Variants in BRIP1 observed in about 807,000 individuals in gnomAD.
BRIP1 encodes Fanconi anemia group J protein.
In BRIP1, 88 loss-of-function variants were observed where a neutral mutation model predicts 119.7. The ratio of observed to expected loss-of-function variants is 0.74; its 90% CI spans 0.62 to 0.88. The LOEUF (loss-of-function observed/expected upper bound fraction) is 0.88. Among genes scored for constraint, BRIP1 ranks in the 40% least tolerant of loss-of-function variants. The probability of loss-of-function intolerance (pLI) is 0.00; values close to 1 mark genes in which losing one functional copy is unlikely to be tolerated. For missense variants in BRIP1, 1,259 were observed against 1,455.4 expected, an observed-to-expected ratio of 0.87 and a Z score of 2.20; for synonymous variants, 443 against 496.5, an observed-to-expected ratio of 0.89 and a Z score of 1.43.
At chr17:61,777,077 C>A (rs1289941589) in intron 13 of BRIP1, among the ~76,000 whole-genome samples, 5 of 151,986 alleles carry the variant, frequency 3.3e-5, no homozygotes, top group African/African-American at 1.2e-4. Flanking sequence ...ATTCTATCTC[C>A]CTTATATGTA....
rs1416084860 is a variant in BRIP1 at position 61,748,989 on chromosome 17, T to C, written c.2098-4398A>G. Among the ~76,000 whole-genome samples the C allele has an allele frequency of 1.3e-5, 2 of 151,900 alleles. No individual in the cohort carries two copies. Among genetic ancestry groups the C allele is most frequent in the Non-Finnish European group, 2.9e-5 (2 of 67,986 alleles). ...CATCTCTACTAAAAATACAAAAAAT[T>C]AGCCGGGCATGGTGGCGCACGCCTG... On this transcript the variant is annotated intron_variant, in intron 14 of 19. Coordinates refer to ENST00000259008, the MANE Select transcript of BRIP1 (RefSeq NM_032043.3). The surrounding 1 kb of genome is among the most constrained non-coding windows in gnomAD (Gnocchi z 4.7).
intron 17 of BRIP1, among the ~76,000 whole-genome samples, chr17:61,711,390 A>G (rs948510405): frequency 5.3e-5 from 8 of 152,232 alleles, no homozygotes; most frequent in Non-Finnish European, 2.9e-5. Flanking sequence ...AAATTCAAAA[A>G]AAAAATGTCA....
At position 61,683,644 on chromosome 17, in the gene BRIP1, AG is replaced by A. The variant is rs756853672; in HGVS notation, c.3401del (p.Pro1134LeufsTer16). 31 of 1,612,802 alleles carry A rather than the reference AG, an allele frequency of 1.9e-5. No homozygotes were observed. The highest frequency in any genetic ancestry group is 2.6e-5 in the Non-Finnish European group (31 of 1,179,978). On this transcript the variant is annotated frameshift_variant, in exon 20 of 20. Transcript: ENST00000259008. LOFTEE classifies it low-confidence loss of function (END_TRUNC). This position sits in a 1 kb window ranked among gnomAD's most constrained non-coding sequence, Gnocchi z 4.7. Reference protein sequence around the residue: ...EAEDESIYFTPELYDPEDTDE... With the variant: ...EAEDESIYFTXELYDPEDTDE... ...CTGTATCTTCAGGATCATAAAGTTC[AG>A]GTGTAAAATAGATAGATTCATCTTC...
rs1009437926 is a variant in BRIP1 at position 61,774,239 on chromosome 17, A to G, written c.2097+2162T>C. Among the ~76,000 whole-genome samples, 1 of 152,132 alleles carries G rather than the reference A, an allele frequency of 6.6e-6. No homozygotes were observed. Among genetic ancestry groups the G allele is most frequent in the African/African-American group, 2.4e-5 (1 of 41,406 alleles). ...AGAAAATGTGGCACATATACACCAT[A>G]GAATACTATGCAGCCATAAAAAAGG... On this transcript the variant is annotated intron_variant, in intron 14 of 19. Transcript: ENST00000259008. The surrounding 1 kb of genome is among the most constrained non-coding windows in gnomAD (Gnocchi z 5.8).
At position 61,776,606 on chromosome 17, in the gene BRIP1, G is replaced by A. The variant is rs139659736; in HGVS notation, c.1936-44C>T. On this transcript the variant is annotated intron_variant, in intron 13 of 19. Coordinates refer to ENST00000259008, the MANE Select transcript of BRIP1 (RefSeq NM_032043.3). The surrounding 1 kb of genome is among the most constrained non-coding windows in gnomAD (Gnocchi z 5.0). Reference sequence around the variant, plus strand: ...ATTATTAGAGTTATGCCTGAAAAAGGCATGGAAATTAGTATTTATTTGGAA... The same window carrying A: ...ATTATTAGAGTTATGCCTGAAAAAGACATGGAAATTAGTATTTATTTGGAA... The A allele has an allele frequency of 3.2e-6, 5 of 1,578,674 alleles. No individual in the cohort carries two copies. In the Admixed American group the frequency reaches 8.3e-5, roughly 26 times the overall value.
Position 61,686,094 on chromosome 17 carries a change from C to T in BRIP1, c.2647G>A (p.Glu883Lys), listed in dbSNP as rs2061359691. 6.2e-7 allele frequency: 1 copy of T among 1,614,012 alleles called. No individual in the cohort carries two copies. Among genetic ancestry groups the T allele is most frequent in the African/African-American group, 1.3e-5 (1 of 75,032 alleles). Reference sequence around the variant, plus strand: ...ACTTTTTGATGCTTTTTGGAAAATTCAGCCAAGGATTCCAGTGCACTTTCA... The same window carrying T: ...ACTTTTTGATGCTTTTTGGAAAATTTAGCCAAGGATTCCAGTGCACTTTCA... The part of the protein sequence containing the change: ...TFESALESLA[E>K]FSKKHQKVLN... The change falls in exon 19 of 20, where the codon GAA (glutamate) becomes AAA (lysine). Residue 883 changes from glutamate (E) to lysine (K), a missense_variant. Glu to Lys is a moderately conservative substitution (Grantham distance 56). Coordinates refer to ENST00000259008, the MANE Select transcript of BRIP1 (RefSeq NM_032043.3). This position sits in a 1 kb window ranked among gnomAD's most constrained non-coding sequence, Gnocchi z 5.4.
At position 61,795,783 on chromosome 17, in the gene BRIP1, G is replaced by A. The variant is rs1459297792; in HGVS notation, c.1341-2054C>T. On this transcript the variant is annotated intron_variant, in intron 9 of 19. Transcript: ENST00000259008. The surrounding 1 kb of genome is among the most constrained non-coding windows in gnomAD (Gnocchi z 5.6). ...TGGGTATATATCTAGCAGTGGGATT[G>A]CTGGATCGTTTGGTAGCTCTATTTT... Among the ~76,000 whole-genome samples the A allele has an allele frequency of 6.6e-6, 1 of 152,052 alleles. No individual in the cohort carries two copies. The highest frequency in any genetic ancestry group is 1.5e-5 in the Non-Finnish European group (1 of 67,984).
At position 61,732,465 on chromosome 17, in the gene BRIP1, C is replaced by T. The variant is rs140300765; in HGVS notation, c.2379+10548G>A. Among the ~76,000 whole-genome samples, 557 of 152,160 alleles carry T rather than the reference C, an allele frequency of 3.7e-3. 5 individuals carry two copies. The highest frequency in any genetic ancestry group is 0.013 in the African/African-American group (520 of 41,504). On this transcript the variant is annotated intron_variant, in intron 16 of 19. Transcript: ENST00000259008. ...AGTAAATTGGTATCTGCAAGGGAGG[C>T]GAAAGGTGTTGGTCAACTTCAGCTT...
In BRIP1 at chr17:61,834,306, A is replaced by G. The variant is rs900117617; in HGVS notation, c.627+12795T>C. On this transcript the variant is annotated intron_variant, in intron 6 of 19. Coordinates refer to ENST00000259008, the MANE Select transcript of BRIP1 (RefSeq NM_032043.3). This position sits in a 1 kb window ranked among gnomAD's most constrained non-coding sequence, Gnocchi z 4.4. ...ACTACATAACAAATATATGTAATAT[A>G]TACTACAGTATCAACCCCTTTACAG... Among the ~76,000 whole-genome samples the G allele has an allele frequency of 6.6e-6, 1 of 152,148 alleles. No individual in the cohort carries two copies. Among genetic ancestry groups the G allele is most frequent in the African/African-American group, 2.4e-5 (1 of 41,426 alleles).
chr17:61,850,548 C>T (rs990170491), intron 4 of BRIP1, among the ~76,000 whole-genome samples: 4 of 152,152 alleles, frequency 2.6e-5, no homozygotes, highest in Non-Finnish European at 5.9e-5. Context: ...AAATTTGAGG[C>T]CGGCCCCAGT....
chr17:61,825,666 T>A lies in BRIP1; in HGVS notation c.628-16909A>T, dbSNP rs1001886246. On this transcript the variant is annotated intron_variant, in intron 6 of 19. Transcript: ENST00000259008. The surrounding 1 kb of genome is among the most constrained non-coding windows in gnomAD (Gnocchi z 4.1). ...ATAAATAAATAAATAAATAAATAAA[T>A]AAAATAACTGGGAATACAACTAACC... Among the ~76,000 whole-genome samples the A allele has an allele frequency of 1.1e-4, 16 of 143,552 alleles. No homozygotes were observed. Among genetic ancestry groups the A allele is most frequent in the African/African-American group, 2.6e-4 (10 of 38,960 alleles). 94.2% of individuals were successfully genotyped at this position (143,552 alleles called of 152,430 possible).
Position 61,793,711 on chromosome 17 carries a change from A to C in BRIP1, c.1359T>G (p.Ala453=). The C allele has an allele frequency of 6.2e-7, 1 of 1,610,524 alleles. No individual in the cohort carries two copies. The highest frequency in any genetic ancestry group is 8.5e-7 in the Non-Finnish European group (1 of 1,178,580). ...CSLINWLEAN[A]EYLVERDYES... is the part of the protein sequence containing the mutation. ...CATAATCTCTTTCTACAAGATATTC[A>C]GCGTTTGCTTCTAACCAACTGAAAT... The change falls in exon 10 of 20, where the codon GCT becomes GCG. Residue 453 remains alanine, a synonymous_variant. Transcript: ENST00000259008. This position sits in a 1 kb window ranked among gnomAD's most constrained non-coding sequence, Gnocchi z 5.2.
Position 61,708,782 on chromosome 17 carries a change from T to C in BRIP1, c.2492+7169A>G, listed in dbSNP as rs994682487. Among the ~76,000 whole-genome samples, 3 of 152,160 alleles carry C rather than the reference T, an allele frequency of 2.0e-5. No homozygotes were observed. The highest frequency in any genetic ancestry group is 4.4e-5 in the Non-Finnish European group (3 of 68,040). On this transcript the variant is annotated intron_variant, in intron 17 of 19. Coordinates refer to ENST00000259008, the MANE Select transcript of BRIP1 (RefSeq NM_032043.3). This position sits in a 1 kb window ranked among gnomAD's most constrained non-coding sequence, Gnocchi z 4.4. ...ATAGGCTGGGAAGTTTGCTATAGGG[T>C]AATTTGGCAGGAACTGGGCCAATTT...
At chr17:61,718,240 C>T (rs1412803450) in intron 16 of BRIP1, among the ~76,000 whole-genome samples, 2 of 152,110 alleles carry the variant, frequency 1.3e-5, no homozygotes, top group Non-Finnish European at 1.5e-5. Context: ...CTGGATTTTG[C>T]TGTGAATGCA....
rs1022449131 is a variant in BRIP1, at chr17:61,758,877, T to A, written c.2098-14286A>T. ...TTTTAAAAAATGTATCTGGGTGTGG[T>A]GGCACATGCCTGTAGTACCAGCTAC... is the stretch of plus-strand genomic sequence containing the variant. On this transcript the variant is annotated intron_variant, in intron 14 of 19. Transcript: ENST00000259008. The surrounding 1 kb of genome is among the most constrained non-coding windows in gnomAD (Gnocchi z 5.3). 6.6e-6 allele frequency among the ~76,000 whole-genome samples: 1 copy of A among 151,808 alleles called. No individual in the cohort carries two copies. Among genetic ancestry groups the A allele is most frequent in the Non-Finnish European group, 1.5e-5 (1 of 67,946 alleles).
intron 17 of BRIP1, among the ~76,000 whole-genome samples, chr17:61,694,465 T>A (rs973830773): frequency 6.6e-6 from 1 of 152,170 alleles, no homozygotes; most frequent in Non-Finnish European, 1.5e-5. Flanking sequence ...CTAGTATGAA[T>A]AATGCTGCTA....
intron 16 of BRIP1, among the ~76,000 whole-genome samples, chr17:61,733,686 AC>A (rs1282589278): frequency 1.8e-3 from 272 of 152,274 alleles, no homozygotes; most frequent in Middle Eastern, 0.01. Flanking sequence ...AGTTTCCTAA[AC>A]AAAAAAAGGA....
rs916059430 is a variant in BRIP1, at chr17:61,693,248, T to C, written c.2575+182A>G. Reference sequence around the variant, plus strand: ...TGGGGCATTGCTGTTCAGTTGGTGTTAAGTTTCAGTTATGTAAGATTTAAA... The same window carrying C: ...TGGGGCATTGCTGTTCAGTTGGTGTCAAGTTTCAGTTATGTAAGATTTAAA... On this transcript the variant is annotated intron_variant, in intron 18 of 19. Transcript: ENST00000259008. The surrounding 1 kb of genome is among the most constrained non-coding windows in gnomAD (Gnocchi z 4.2). 2.6e-5 allele frequency among the ~76,000 whole-genome samples: 4 copies of C among 152,202 alleles called. No individual in the cohort carries two copies. Among genetic ancestry groups the C allele is most frequent in the African/African-American group, 9.6e-5 (4 of 41,458 alleles).
chr17:61,787,412 T>TA (rs2077744872), intron 10 of BRIP1, among the ~76,000 whole-genome samples: 3 of 138,144 alleles, frequency 2.2e-5, no homozygotes, highest in Non-Finnish European at 4.6e-5. Context: ...ATATAAAATA[T>TA]TTATATAAAA....
Sources: gnomAD v4.1 joint callset for allele counts (sites outside exome capture counted in the v4.1 genomes callset) on GRCh38, gnomAD v4.1.1 for gene constraint, Gnocchi (gnomAD v3.1) non-coding constraint, MANE v1.5 for transcripts, NCBI Gene and HGNC (gene_info 2026-07-23, HGNC 2026-07-21) for gene names.